The following GRIK2 variants were observed in gnomAD, a reference collection of about 807,000 sequenced individuals.
GRIK2 encodes the protein glutamate receptor ionotropic, kainate 2.
GRIK2 carries 32 observed loss-of-function variants against 100.3 expected under a neutral mutation model. The ratio of observed to expected loss-of-function variants is 0.32; its 90% confidence interval spans 0.24 to 0.43. The LOEUF (loss-of-function observed/expected upper bound fraction) is 0.43. Ranked by LOEUF, GRIK2 falls within the 20% of genes least tolerant of loss-of-function variation. The pLI, the probability that GRIK2 is intolerant of heterozygous loss-of-function variation, is 1.00. For synonymous variants in GRIK2, 417 were observed against 389.4 expected, an observed-to-expected ratio of 1.07 and a Z score of -0.83; for missense variants, 843 against 1,114.9, an observed-to-expected ratio of 0.76 and a Z score of 3.47.
rs1772142352 is a variant in GRIK2 at position 102,068,894 on chromosome 6, G to A, written c.*383G>A. On this transcript the variant is annotated 3_prime_UTR_variant, in exon 17 of 17. Transcript: ENST00000369134. ...GGGCAACCAATAAAAGTGTCACTAAGAATATAAATATTTGGAATCAGCAAA... is the reference window on the plus strand; with the variant it reads ...GGGCAACCAATAAAAGTGTCACTAAAAATATAAATATTTGGAATCAGCAAA... 5.8e-6 allele frequency: 1 copy of A among 171,422 alleles called. No individual in the cohort carries two copies. The highest frequency in any genetic ancestry group is 1.3e-5 in the Non-Finnish European group (1 of 79,616). The allele number at this position is 171,422 out of a possible 1,614,324, so 10.6% of individuals were successfully genotyped here.
At chr6:102,034,898 C>CA (rs2114424297) in intron 14 of GRIK2, among the ~76,000 whole-genome samples, 1 of 151,318 alleles carries the variant, frequency 6.6e-6, no homozygotes, top group East Asian at 2.0e-4. Context: ...TGGGGGAAAA[C>CA]AAACAAACTC....
At chr6:101,607,055 A>C (rs936215963) in intron 2 of GRIK2, among the ~76,000 whole-genome samples, 2 of 151,918 alleles carry the variant, frequency 1.3e-5, no homozygotes, top group African/African-American at 4.8e-5. Flanking sequence ...ACATCCTACA[A>C]ATGTAGTGGA....
At chr6:101,694,490 TAAA>T (rs1207379779) in intron 7 of GRIK2, among the ~76,000 whole-genome samples, 2 of 150,432 alleles carry the variant, frequency 1.3e-5, no homozygotes, top group South Asian at 2.1e-4. Context: ...TCAAAATAAT[TAAA>T]AAGCATCAAA....
chr6:101,528,335 A>T (rs1319717578), intron 2 of GRIK2, among the ~76,000 whole-genome samples: 2 of 152,220 alleles, frequency 1.3e-5, no homozygotes, highest in Non-Finnish European at 2.9e-5. Flanking sequence ...GATTTGGGGT[A>T]GAAACTCTTA....
intron 2 of GRIK2, among the ~76,000 whole-genome samples, chr6:101,471,194 A>C (rs576722108): frequency 1.3e-5 from 2 of 152,050 alleles, no homozygotes; most frequent in Admixed American, 1.3e-4. Flanking sequence ...CTAATAGGTG[A>C]CTTTGGACAA....
At chr6:101,655,876 G>T (rs1364691652) in intron 4 of GRIK2, among the ~76,000 whole-genome samples, 5 of 152,150 alleles carry the variant, frequency 3.3e-5, no homozygotes. Flanking sequence ...TATGAGAGAG[G>T]CTGTGGTATG....
intron 11 of GRIK2, among the ~76,000 whole-genome samples, chr6:101,872,894 G>A (rs76144555): frequency 5.4e-4 from 82 of 151,920 alleles, no homozygotes; most frequent in Non-Finnish European, 1.0e-3. Context: ...TTTATGAGCC[G>A]AGCTTTATGA....
intron 2 of GRIK2, among the ~76,000 whole-genome samples, chr6:101,586,534 T>A (rs1013162604): frequency 6.6e-6 from 1 of 151,892 alleles, no homozygotes; most frequent in Non-Finnish European, 1.5e-5. Flanking sequence ...CCTCTCAGGA[T>A]GAGTCCAACT....
chr6:101,418,345 A>C (rs1161514610), intron 2 of GRIK2, among the ~76,000 whole-genome samples: 1 of 152,134 alleles, frequency 6.6e-6, no homozygotes, highest in African/African-American at 2.4e-5. Context: ...GTCCATTTTT[A>C]TTAAGTGCTC....
chr6:101,944,322 T>C (rs1791140543), intron 14 of GRIK2, among the ~76,000 whole-genome samples: 2 of 152,224 alleles, frequency 1.3e-5, no homozygotes. Context: ...TTAGCTTTAC[T>C]ATATGACACT....
At chr6:101,735,617 C>A (rs1469716365) in intron 7 of GRIK2, among the ~76,000 whole-genome samples, 1 of 151,650 alleles carries the variant, frequency 6.6e-6, no homozygotes, top group Non-Finnish European at 1.5e-5. Flanking sequence ...TATTCACTAT[C>A]ATGAAAACAA....
intron 3 of GRIK2, among the ~76,000 whole-genome samples, chr6:101,625,761 T>C (rs1286705936): frequency 6.6e-6 from 1 of 152,154 alleles, no homozygotes; most frequent in Non-Finnish European, 1.5e-5. Flanking sequence ...ACTTATAGCA[T>C]CCAAAAGCCA....
rs911160941 is a variant in GRIK2, at chr6:101,975,008, A to T, written c.2085+46376A>T. 2.0e-5 allele frequency among the ~76,000 whole-genome samples: 3 copies of T among 152,032 alleles called. No individual in the cohort carries two copies. The East Asian group carries it at 5.8e-4, about 29-fold the overall frequency. On this transcript the variant is annotated intron_variant, in intron 14 of 16. Transcript: ENST00000369134. ...AGAAGACAAAAAATCTTATATAGAA[A>T]TATTCAAACATGAAAAGAATAGTGC... is the stretch of plus-strand genomic sequence containing the variant.
chr6:101,841,669 A>G (rs1324224739), intron 10 of GRIK2, among the ~76,000 whole-genome samples: 6 of 152,078 alleles, frequency 3.9e-5, no homozygotes, highest in Admixed American at 3.3e-4. Context: ...CAGCCTGCAG[A>G]AAGATTTTTT....
intron 2 of GRIK2, among the ~76,000 whole-genome samples, chr6:101,445,125 C>G (rs1770303001): frequency 6.6e-6 from 1 of 152,112 alleles, no homozygotes; most frequent in African/African-American, 2.4e-5. Flanking sequence ...TTGATCTGCA[C>G]TATCCTACTC....
rs368473749 is a variant in GRIK2, at chr6:101,995,826, AT to A, written c.2086-39514del. Among the ~76,000 whole-genome samples the A allele has an allele frequency of 2.4e-4, 36 of 152,138 alleles. 2 individuals carry two copies. The South Asian group carries it at 7.3e-3, about 31-fold the overall frequency. ...AGACAGGAATGAAAAATCTATGGTC[AT>A]ACCTATTCACAAAATTGTTTAAGTC... On this transcript the variant is annotated intron_variant, in intron 14 of 16. Transcript: ENST00000369134.
chr6:102,058,854 CTAAA>C (rs753108020), intron 16 of GRIK2, among the ~76,000 whole-genome samples: 15 of 151,186 alleles, frequency 9.9e-5, no homozygotes, highest in Admixed American at 6.6e-4. Flanking sequence ...GTATTGGTGA[CTAAA>C]TAGTTTGTCA....
At chr6:101,819,591 T>C (rs995093112) in intron 10 of GRIK2, among the ~76,000 whole-genome samples, 3 of 152,116 alleles carry the variant, frequency 2.0e-5, no homozygotes, top group South Asian at 2.1e-4. Context: ...TTTTCTATCT[T>C]CCTTTCTTTT....
intron 14 of GRIK2, among the ~76,000 whole-genome samples, chr6:102,015,505 C>T (rs1795788031): frequency 6.6e-6 from 1 of 152,224 alleles, no homozygotes; most frequent in African/African-American, 2.4e-5. Context: ...ACTGCTAACA[C>T]TGCTACGAGT....
Sources: allele counts gnomAD v4.1 joint callset (sites outside exome capture counted in the v4.1 genomes callset), GRCh38; gene constraint gnomAD v4.1.1; transcripts MANE v1.5; gene names NCBI Gene and HGNC (gene_info 2026-07-23, HGNC 2026-07-21).